Variants in RSU1 observed in about 807,000 individuals in gnomAD.
RSU1 encodes the protein Ras suppressor protein 1, also known as rsu-1.
In RSU1, 26 loss-of-function variants were observed where a neutral mutation model predicts 31.1. That is an observed-to-expected ratio of 0.84 (90% confidence interval 0.61 to 1.16). The LOEUF (loss-of-function observed/expected upper bound fraction) is 1.16, where lower values mean the gene tolerates loss of function less well. Among genes scored for constraint, RSU1 ranks in the 50% most tolerant of loss-of-function variants. The pLI, the probability that RSU1 is intolerant of heterozygous loss-of-function variation, is 0.00. For synonymous variants in RSU1, 164 were observed against 136.3 expected (o/e 1.20, Z -1.41); for missense variants, 320 against 339.1 (o/e 0.94, Z 0.44).
intron 7 of RSU1, among the ~76,000 whole-genome samples, chr10:16,698,618 A>C (rs1835727352): frequency 6.6e-6 from 1 of 152,168 alleles, no homozygotes; most frequent in Non-Finnish European, 1.5e-5. Context: ...GAGATCTGTC[A>C]ATCCCAAGTG....
intron 2 of RSU1, among the ~76,000 whole-genome samples, chr10:16,807,138 C>A (rs1201470587): frequency 6.6e-6 from 1 of 152,228 alleles, no homozygotes; most frequent in East Asian, 1.9e-4. Context: ...CATTCAAACA[C>A]TGAGATTGCA....
chr10:16,817,356 G>A lies in RSU1; in HGVS notation c.-45C>T. On this transcript the variant is annotated 5_prime_UTR_variant, in exon 1 of 9. Coordinates refer to ENST00000345264, the MANE Select transcript of RSU1 (RefSeq NM_012425.4). ...TAAGACGATGGGCGTGCAACCACAAGCTTCGGCAGAACGCACTCCAGCTGC... is the reference window on the plus strand; with the variant it reads ...TAAGACGATGGGCGTGCAACCACAAACTTCGGCAGAACGCACTCCAGCTGC... 2.4e-6 allele frequency: 1 copy of A among 418,246 alleles called. No individual in the cohort carries two copies. The highest frequency in any genetic ancestry group is 2.0e-5 in the African/African-American group (1 of 49,316). 25.9% of individuals were successfully genotyped at this position (418,246 alleles called of 1,614,324 possible).
In RSU1 at chr10:16,645,911, T is replaced by TATATGTGTATATATAC; in HGVS notation, c.731+49111_731+49112insGTATATATACACATAT. On this transcript the variant is annotated intron_variant, in intron 8 of 8. Transcript: ENST00000345264. ...ACATATATGTATATACACATATATGTATATATATGTGTATATACACATATG... is the reference window on the plus strand; with the variant it reads ...ACATATATGTATATACACATATATGTATATGTGTATATATACATATATATGTGTATATACACATATG... Among the ~76,000 whole-genome samples, 2 of 45,030 alleles carry TATATGTGTATATATAC rather than the reference T, an allele frequency of 4.4e-5. 1 individual carries two copies. Among genetic ancestry groups the TATATGTGTATATATAC allele is most frequent in the South Asian group, 1.6e-3 (2 of 1,262 alleles). 29.5% of individuals were successfully genotyped at this position (45,030 alleles called of 152,430 possible).
chr10:16,752,796 T>C (rs1837006151), intron 6 of RSU1, 122 bp downstream of exon 6: 1 of 1,023,680 alleles, frequency 9.8e-7, no homozygotes, highest in Non-Finnish European at 1.5e-6. Flanking sequence ...CAAGAAACAC[T>C]ATCAGGAGTA....
chr10:16,791,932 T>C (rs1293537701), intron 2 of RSU1, among the ~76,000 whole-genome samples: 4 of 152,200 alleles, frequency 2.6e-5, no homozygotes, highest in Non-Finnish European at 5.9e-5. Flanking sequence ...ATGATTCCTT[T>C]AGTAGCACTT....
intron 8 of RSU1, among the ~76,000 whole-genome samples, chr10:16,649,217 T>G (rs1564300318): frequency 6.6e-6 from 1 of 152,196 alleles, no homozygotes; most frequent in South Asian, 2.1e-4. Flanking sequence ...AAAATGCAGA[T>G]TAGAAATGGC....
At chr10:16,653,802 A>G (rs1834726351) in intron 8 of RSU1, among the ~76,000 whole-genome samples, 1 of 152,170 alleles carries the variant, frequency 6.6e-6, no homozygotes, top group African/African-American at 2.4e-5. Flanking sequence ...TATGCTTTCT[A>G]GAAATGGTAC....
chr10:16,760,908 C>T (rs1158052104), intron 4 of RSU1, among the ~76,000 whole-genome samples: 1 of 152,068 alleles, frequency 6.6e-6, no homozygotes, highest in Non-Finnish European at 1.5e-5. Context: ...GCAAATTTCT[C>T]AAGGGTCAGT....
chr10:16,668,632 C>A (rs1364685009), intron 8 of RSU1, among the ~76,000 whole-genome samples: 1 of 152,030 alleles, frequency 6.6e-6, no homozygotes, highest in Non-Finnish European at 1.5e-5. Flanking sequence ...TACTGCTTTC[C>A]CTGGTTCTCA....
chr10:16,613,170 T>G (rs1039704413), intron 8 of RSU1, among the ~76,000 whole-genome samples: 1 of 152,104 alleles, frequency 6.6e-6, no homozygotes, highest in African/African-American at 2.4e-5. Flanking sequence ...GGACACTAAC[T>G]CCAAAAGGCA....
chr10:16,697,416 G>T (rs937244148), intron 7 of RSU1, among the ~76,000 whole-genome samples: 4 of 152,176 alleles, frequency 2.6e-5, no homozygotes, highest in African/African-American at 9.7e-5. Flanking sequence ...CAGCACTTTG[G>T]GAGGCCAAGG....
chr10:16,639,525 A>G lies in RSU1; in HGVS notation c.732-46029T>C, dbSNP rs78051174. On this transcript the variant is annotated intron_variant, in intron 8 of 8. Coordinates refer to ENST00000345264, the MANE Select transcript of RSU1 (RefSeq NM_012425.4). The stretch of plus-strand genomic sequence containing the variant: ...AATGCGGGTTTAAAGGTAGAAACAA[A>G]TCTATGCACAGAACTGGAGGGGAAT... 4.1e-3 allele frequency among the ~76,000 whole-genome samples: 628 copies of G among 152,332 alleles called. 4 individuals are homozygous for G. Among genetic ancestry groups the G allele is most frequent in the African/African-American group, 0.014 (598 of 41,564 alleles).
chr10:16,717,241 A>G (rs1021614615), intron 7 of RSU1, among the ~76,000 whole-genome samples: 1 of 152,170 alleles, frequency 6.6e-6, no homozygotes, highest in African/African-American at 2.4e-5. Flanking sequence ...TACATTCTCT[A>G]CAGAGGCTGG....
In RSU1 at chr10:16,700,772, G is replaced by A. The variant is rs532369681; in HGVS notation, c.599-5617C>T. ...CAGTAACTAAACATTGTAAACAACC[G>A]GAAATTTCATTACCAGGTGATAAGC... On this transcript the variant is annotated intron_variant, in intron 7 of 8. Coordinates refer to ENST00000345264, the MANE Select transcript of RSU1 (RefSeq NM_012425.4). Among the ~76,000 whole-genome samples, 10 of 152,202 alleles carry A rather than the reference G, an allele frequency of 6.6e-5. No individual in the cohort carries two copies. The East Asian group carries it at 1.5e-3, about 24-fold the overall frequency.
At chr10:16,781,574 T>G (rs1251374404) in intron 3 of RSU1, among the ~76,000 whole-genome samples, 2 of 152,266 alleles carry the variant, frequency 1.3e-5, no homozygotes, top group African/African-American at 4.8e-5. Flanking sequence ...GTTTTGCTCA[T>G]GAAATGCTCA....
intron 2 of RSU1, among the ~76,000 whole-genome samples, chr10:16,798,233 T>C (rs1838081616): frequency 6.6e-6 from 1 of 152,016 alleles, no homozygotes; most frequent in Non-Finnish European, 1.5e-5. Context: ...AAAATCAACA[T>C]ACAGACCCCA....
At chr10:16,674,641 G>A (rs543098362) in intron 8 of RSU1, among the ~76,000 whole-genome samples, 8 of 152,072 alleles carry the variant, frequency 5.3e-5, no homozygotes, top group African/African-American at 1.9e-4. Flanking sequence ...TGGGCGATGG[G>A]GTCCACTTTA....
chr10:16,771,104 T>C (rs1837417346), intron 3 of RSU1, among the ~76,000 whole-genome samples: 1 of 152,194 alleles, frequency 6.6e-6, no homozygotes, highest in South Asian at 2.1e-4. Context: ...ATATTAAAAT[T>C]AGCTTGTTAT....
At chr10:16,604,396 A>G (rs1444547073) in intron 8 of RSU1, among the ~76,000 whole-genome samples, 2 of 152,080 alleles carry the variant, frequency 1.3e-5, no homozygotes, top group African/African-American at 4.8e-5. Context: ...GGCAGTAGGG[A>G]CCAGCGGCTG....
Sources: allele counts gnomAD v4.1 joint callset (sites outside exome capture counted in the v4.1 genomes callset), GRCh38; gene constraint gnomAD v4.1.1; transcripts MANE v1.5; gene names NCBI Gene and HGNC (gene_info 2026-07-23, HGNC 2026-07-21).